The following LIPC variants were observed in gnomAD, a reference collection of about 807,000 sequenced individuals.
LIPC encodes hepatic triacylglycerol lipase.
A neutral mutation model predicts 50.7 loss-of-function variants in LIPC; 44 were observed. The ratio of observed to expected loss-of-function variants is 0.87; its 90% CI spans 0.68 to 1.11. The LOEUF (loss-of-function observed/expected upper bound fraction) is 1.11. Among genes scored for constraint, LIPC ranks in the 50% most tolerant of loss-of-function variants. The probability of loss-of-function intolerance (pLI) is 0.00; values close to 1 mark genes in which losing one functional copy is unlikely to be tolerated. For synonymous variants in LIPC, 271 were observed against 256.4 expected, an observed-to-expected ratio of 1.06 and a Z score of -0.54; for missense variants, 697 against 648.2, an observed-to-expected ratio of 1.08 and a Z score of -0.82.
intron 1 of LIPC, among the ~76,000 whole-genome samples, chr15:58,511,643 G>A (rs1321190537): frequency 6.6e-6 from 1 of 152,182 alleles, no homozygotes; most frequent in Non-Finnish European, 1.5e-5. Flanking sequence ...AATAGGTATT[G>A]AGAGTCTTTT....
chr15:58,465,206 C>A (rs1303042653), intron 1 of LIPC, among the ~76,000 whole-genome samples: 1 of 152,152 alleles, frequency 6.6e-6, no homozygotes, highest in African/African-American at 2.4e-5. Context: ...ATGTCACCCC[C>A]CTTCTTCCAA....
intron 8 of LIPC, 74 bp downstream of exon 8, chr15:58,563,797 C>T (rs1212746810): frequency 8.3e-7 from 1 of 1,203,726 alleles, no homozygotes; most frequent in African/African-American, 1.5e-5. Context: ...CAATTTAATA[C>T]TCACATTCAT....
At chr15:58,432,212 A>G in intron 1 of LIPC, 92 bp downstream of exon 1, 1 of 984,082 alleles carries the variant, frequency 1.0e-6, no homozygotes, top group Non-Finnish European at 1.6e-6. Flanking sequence ...ACTGTATGGG[A>G]CAGAGCTTGC....
rs1894530585 is a variant in LIPC, at chr15:58,465,644, A to C, written c.88+33524A>C. 2.0e-5 allele frequency among the ~76,000 whole-genome samples: 3 copies of C among 152,260 alleles called. No homozygotes were observed. In the South Asian group the frequency reaches 6.2e-4, roughly 32 times the overall value. On this transcript the variant is annotated intron_variant, in intron 1 of 8. Transcript: ENST00000299022. ...GTGAATCCAGGAAGTTGGAGGAAGC[A>C]GGTAAGTACTTGGGTTAGGCATTCA...
intron 1 of LIPC, chr15:58,454,869 C>T (rs1595862751): frequency 6.6e-6 from 1 of 152,212 alleles, no homozygotes; most frequent in South Asian, 2.1e-4. Flanking sequence ...AAGAATTTTG[C>T]AAGCTGATTT....
At chr15:58,438,944 G>A (rs1341698429) in intron 1 of LIPC, among the ~76,000 whole-genome samples, 1 of 152,230 alleles carries the variant, frequency 6.6e-6, no homozygotes, top group Non-Finnish European at 1.5e-5. Context: ...AAAAAGTGAA[G>A]AGAAGAGAAG....
intron 1 of LIPC, chr15:58,435,031 T>G (rs1286093744): frequency 1.3e-5 from 2 of 152,240 alleles, no homozygotes; most frequent in Non-Finnish European, 2.9e-5. Context: ...CAGTGTTTAT[T>G]ATGTGAGATA....
At chr15:58,564,848 T>A (rs1264109788) in intron 8 of LIPC, among the ~76,000 whole-genome samples, 2 of 152,160 alleles carry the variant, frequency 1.3e-5, no homozygotes, top group Non-Finnish European at 2.9e-5. Flanking sequence ...TTTTCGGTCA[T>A]CCGTGGTTCT....
rs116534057 is a variant in LIPC at position 58,549,190 on chromosome 15, C to T, written c.1051+618C>T. On this transcript the variant is annotated intron_variant, in intron 6 of 8. Transcript: ENST00000299022. ...GCTGTGACCACGTCTTAGGCTGAGG[C>T]CAGCAGAGAAATACTCCACTGAAAC... Among the ~76,000 whole-genome samples the T allele has an allele frequency of 5.9e-3, 902 of 152,252 alleles. 10 individuals are homozygous for T. The highest frequency in any genetic ancestry group is 0.02 in the African/African-American group (849 of 41,538).
rs183691493 is a variant in LIPC, at chr15:58,441,414, A to T, written c.88+9294A>T. ...CATACTCACTTATAGACTTAACAGCAATTTCAACTTTAAAAATTCATTCCC... is the reference window on the plus strand; with the variant it reads ...CATACTCACTTATAGACTTAACAGCTATTTCAACTTTAAAAATTCATTCCC... On this transcript the variant is annotated intron_variant, in intron 1 of 8. Transcript: ENST00000299022. Among the ~76,000 whole-genome samples the T allele has an allele frequency of 7.2e-5, 11 of 152,372 alleles. No individual in the cohort carries two copies. In the East Asian group the frequency reaches 1.7e-3, roughly 24 times the overall value.
chr15:58,480,915 T>A (rs1891163649), intron 1 of LIPC, among the ~76,000 whole-genome samples: 2 of 152,140 alleles, frequency 1.3e-5, no homozygotes, highest in Admixed American at 6.6e-5. Flanking sequence ...TGTCACAAGC[T>A]TCTCGGAGGC....
intron 1 of LIPC, among the ~76,000 whole-genome samples, chr15:58,497,254 G>C (rs958612808): frequency 6.6e-6 from 1 of 152,096 alleles, no homozygotes; most frequent in African/African-American, 2.4e-5. Context: ...TGGCTCCCCC[G>C]TCAGAGCAAG....
intron 1 of LIPC, among the ~76,000 whole-genome samples, chr15:58,503,098 A>G (rs1169368721): frequency 1.3e-5 from 2 of 152,202 alleles, no homozygotes; most frequent in Non-Finnish European, 1.5e-5. Flanking sequence ...TAACTGAGCT[A>G]TGGACAATAA....
chr15:58,528,474 C>T (rs1365831531), intron 1 of LIPC, among the ~76,000 whole-genome samples: 1 of 152,150 alleles, frequency 6.6e-6, no homozygotes, highest in Non-Finnish European at 1.5e-5. Flanking sequence ...AGTAGCAGAG[C>T]TGGGATTTAA....
chr15:58,555,298 G>C (rs1277133392), intron 6 of LIPC, among the ~76,000 whole-genome samples: 24 of 152,194 alleles, frequency 1.6e-4, no homozygotes, highest in Non-Finnish European at 4.4e-5. Context: ...AGACGTTTAG[G>C]GGACAGGAGA....
At chr15:58,444,514 A>G (rs1447828785) in intron 1 of LIPC, among the ~76,000 whole-genome samples, 1 of 152,152 alleles carries the variant, frequency 6.6e-6, no homozygotes, top group Non-Finnish European at 1.5e-5. Flanking sequence ...ATTTTCTCAC[A>G]GTTCTGGAAG....
chr15:58,432,182 A>G (rs1893146417), intron 1 of LIPC, 62 bp downstream of exon 1: 1 of 1,253,122 alleles, frequency 8.0e-7, no homozygotes, highest in East Asian at 2.3e-5. Context: ...CGTGTGTCAC[A>G]AAGAATCCAG....
At chr15:58,490,032 T>TA (rs1200963144) in intron 1 of LIPC, among the ~76,000 whole-genome samples, 1 of 152,200 alleles carries the variant, frequency 6.6e-6, no homozygotes, top group African/African-American at 2.4e-5. Context: ...CATTGGGCCT[T>TA]AGGCATATTC....
intron 1 of LIPC, among the ~76,000 whole-genome samples, chr15:58,461,203 G>C (rs1894337437): frequency 6.6e-6 from 1 of 152,218 alleles, no homozygotes. Context: ...AATAAAAAAA[G>C]CTAACATTTA....
Sources: gnomAD v4.1 joint callset for allele counts (sites outside exome capture counted in the v4.1 genomes callset) on GRCh38, gnomAD v4.1.1 for gene constraint, MANE v1.5 for transcripts, NCBI Gene and HGNC (gene_info 2026-07-23, HGNC 2026-07-21) for gene names.